The following CDH2 variants were observed in gnomAD, a reference collection of about 807,000 sequenced individuals.
CDH2 encodes the protein cadherin-2.
In CDH2, 17 loss-of-function variants were observed where a neutral mutation model predicts 92.0. The ratio of observed to expected loss-of-function variants is 0.18; its 90% confidence interval spans 0.13 to 0.28. The LOEUF is 0.28. Among genes scored for constraint, CDH2 ranks in the 10% least tolerant of loss-of-function variants. The probability of loss-of-function intolerance (pLI) is 1.00; values close to 1 mark genes in which losing one functional copy is unlikely to be tolerated. For synonymous variants in CDH2, 419 were observed against 415.9 expected (o/e 1.01, Z -0.09); for missense variants, 862 against 1,133.1 (o/e 0.76, Z 3.44).
At chr18:28,023,821 T>C (rs1490366293) in intron 2 of CDH2, among the ~76,000 whole-genome samples, 1 of 152,200 alleles carries the variant, frequency 6.6e-6, no homozygotes, top group African/African-American at 2.4e-5. Flanking sequence ...ATTAACGTTG[T>C]CACTACGATG....
chr18:28,108,199 T>A (rs1461856401), intron 2 of CDH2, among the ~76,000 whole-genome samples: 1 of 152,200 alleles, frequency 6.6e-6, no homozygotes, highest in Non-Finnish European at 1.5e-5. Context: ...CCTGGGAAGA[T>A]AAATGGCCTC....
intron 2 of CDH2, among the ~76,000 whole-genome samples, chr18:28,143,716 T>C (rs2015990771): frequency 6.6e-6 from 1 of 151,858 alleles, no homozygotes; most frequent in Admixed American, 6.6e-5. Context: ...TCATCAGAAC[T>C]AAATTAGAAA....
chr18:27,934,506 C>G (rs930580967), intron 6 of CDH2, among the ~76,000 whole-genome samples: 1 of 152,134 alleles, frequency 6.6e-6, no homozygotes, highest in Admixed American at 6.6e-5. Context: ...CAGGATATCC[C>G]TTTCTTGCCC....
intron 2 of CDH2, among the ~76,000 whole-genome samples, chr18:28,091,284 C>A (rs972861305): frequency 4.6e-5 from 7 of 152,148 alleles, no homozygotes; most frequent in Non-Finnish European, 1.0e-4. Context: ...TCATTTCCCC[C>A]CTCTGTTCTT....
intron 1 of CDH2, among the ~76,000 whole-genome samples, chr18:28,153,525 A>T (rs1436788509): frequency 6.6e-6 from 1 of 152,238 alleles, no homozygotes; most frequent in Non-Finnish European, 1.5e-5. Context: ...GTTTGGGGAA[A>T]TCTGCCCAGG....
chr18:28,003,312 G>A (rs779910930), intron 6 of CDH2, 143 bp from the exon 7 acceptor site: 35 of 593,370 alleles, frequency 5.9e-5, no homozygotes, highest in Admixed American at 3.3e-4. Flanking sequence ...GATTAAAAAT[G>A]CTACTCATAA....
intron 1 of CDH2, among the ~76,000 whole-genome samples, chr18:28,162,492 G>C (rs952132536): frequency 6.6e-6 from 1 of 152,168 alleles, no homozygotes; most frequent in Non-Finnish European, 1.5e-5. Flanking sequence ...CCAAGAAGCT[G>C]CATGGCCAGC....
At chr18:28,025,849 A>G (rs187240073) in intron 2 of CDH2, among the ~76,000 whole-genome samples, 6 of 152,238 alleles carry the variant, frequency 3.9e-5, no homozygotes, top group African/African-American at 1.4e-4. Flanking sequence ...CCCTTCAAAT[A>G]TTATTTTAAC....
At chr18:27,940,589 AGACTAATGAGT>A (rs763314198) in intron 6 of CDH2, among the ~76,000 whole-genome samples, 3 of 152,278 alleles carry the variant, frequency 2.0e-5, no homozygotes, top group Non-Finnish European at 2.9e-5. Flanking sequence ...TTCCACCCTG[AGACTAATGAGT>A]GACTTCAGTC....
chr18:27,986,552 A>G (rs1368636393), intron 11 of CDH2, among the ~76,000 whole-genome samples: 2 of 152,200 alleles, frequency 1.3e-5, no homozygotes, highest in African/African-American at 2.4e-5. Flanking sequence ...CTTCTGCTAC[A>G]TTGTAAATAT....
chr18:28,071,240 CTCTT>C (rs2014612065), intron 2 of CDH2, among the ~76,000 whole-genome samples: 1 of 152,116 alleles, frequency 6.6e-6, no homozygotes, highest in Admixed American at 6.6e-5. Flanking sequence ...CTTTCTCTCT[CTCTT>C]TTTCCCCTTC....
chr18:27,951,668 A>G lies in CDH2; in HGVS notation c.*485T>C, dbSNP rs1909462756. On this transcript the variant is annotated 3_prime_UTR_variant, in exon 16 of 16. Transcript: ENST00000269141. ...AAGTCTAAAACTAGAAGTAATGTACATTTTCCAATCTCATGGTCTCATCCC... is the reference window on the plus strand; with the variant it reads ...AAGTCTAAAACTAGAAGTAATGTACGTTTTCCAATCTCATGGTCTCATCCC... The G allele has an allele frequency of 6.6e-6, 1 of 152,234 alleles. No homozygotes were observed. The highest frequency in any genetic ancestry group is 1.5e-5 in the Non-Finnish European group (1 of 68,160). The allele number at this position is 152,234 out of a possible 1,614,324, so 9.4% of individuals were successfully genotyped here.
rs148273422 is a variant in CDH2 at position 28,084,738 on chromosome 18, C to CA, written c.172+62934dup. Among the ~76,000 whole-genome samples, 108 of 152,218 alleles carry CA rather than the reference C, an allele frequency of 7.1e-4. 2 individuals are homozygous for CA. In the East Asian group the frequency reaches 0.013, roughly 18 times the overall value. ...AATCCTAAACTTGGGATCAATACAGCAAAGCACGATCTCTCATTCAGATGC... is the reference window on the plus strand; with the variant it reads ...AATCCTAAACTTGGGATCAATACAGCAAAAGCACGATCTCTCATTCAGATGC... On this transcript the variant is annotated intron_variant, in intron 2 of 15. Coordinates refer to ENST00000269141, the MANE Select transcript of CDH2 (RefSeq NM_001792.5).
intron 2 of CDH2, among the ~76,000 whole-genome samples, chr18:28,052,157 C>T (rs188037516): frequency 6.6e-6 from 1 of 152,162 alleles, no homozygotes; most frequent in East Asian, 1.9e-4. Flanking sequence ...TTTGTATTTC[C>T]CAGCTCTAGA....
At chr18:28,069,944 G>A (rs1436549361) in intron 2 of CDH2, among the ~76,000 whole-genome samples, 4 of 152,062 alleles carry the variant, frequency 2.6e-5, no homozygotes, top group African/African-American at 4.8e-5. Flanking sequence ...CCAAAATAAC[G>A]TGATAAAGTT....
intron 2 of CDH2, among the ~76,000 whole-genome samples, chr18:28,031,723 C>G (rs2013701005): frequency 6.6e-6 from 1 of 152,050 alleles, no homozygotes; most frequent in Non-Finnish European, 1.5e-5. Context: ...ACTTGGAAAG[C>G]CAGGCAGGAG....
chr18:28,156,465 G>GAATGT (rs879314434), intron 1 of CDH2, among the ~76,000 whole-genome samples: 1,641 of 145,812 alleles, frequency 0.011, 100 homozygotes, highest in Non-Finnish European at 0.016. Context: ...CCCAGGTACA[G>GAATGT]CATGTCACCT....
rs1567932767 is a variant in CDH2, at chr18:27,951,655, A to AGAAGTAAT, written c.*490_*497dup. 6.6e-6 allele frequency: 1 copy of AGAAGTAAT among 151,906 alleles called. No homozygotes were observed. The highest frequency in any genetic ancestry group is 6.6e-5 in the Admixed American group (1 of 15,202). The allele number at this position is 151,906 out of a possible 1,614,324, so 9.4% of individuals were successfully genotyped here. On this transcript the variant is annotated 3_prime_UTR_variant, in exon 16 of 16. Transcript: ENST00000269141. The stretch of plus-strand genomic sequence containing the variant: ...AAAAAACAAACTAAAGTCTAAAACT[A>AGAAGTAAT]GAAGTAATGTACATTTTCCAATCTC...
chr18:28,134,253 C>G (rs1025002556), intron 2 of CDH2, among the ~76,000 whole-genome samples: 5 of 150,852 alleles, frequency 3.3e-5, no homozygotes, highest in Non-Finnish European at 7.4e-5. Context: ...AGTGACAGAT[C>G]AGAAAAAAGA....
Sources: gnomAD v4.1 joint callset for allele counts (sites outside exome capture counted in the v4.1 genomes callset) on GRCh38, gnomAD v4.1.1 for gene constraint, MANE v1.5 for transcripts, NCBI Gene and HGNC (gene_info 2026-07-23, HGNC 2026-07-21) for gene names.